CTNNBL1: variants seen among roughly 807,000 people sequenced by gnomAD.
CTNNBL1 encodes catenin beta like 1.
CTNNBL1 carries 31 observed loss-of-function variants against 72.7 expected under a neutral mutation model. The observed-to-expected ratio is 0.43, with a 90% CI of 0.32 to 0.58. The LOEUF is 0.58. CTNNBL1 is among the 20% of genes least tolerant of loss of function. The pLI is 0.08. For missense variants in CTNNBL1, 534 were observed against 725.1 expected (o/e 0.74, Z 3.03); for synonymous variants, 240 against 267.3 (o/e 0.90, Z 1.00).
At chr20:37,787,492 C>T (rs1186095552) in intron 10 of CTNNBL1, among the ~76,000 whole-genome samples, 3 of 151,830 alleles carry the variant, frequency 2.0e-5, no homozygotes, top group Non-Finnish European at 4.4e-5. Flanking sequence ...CTACAGGCGC[C>T]CGCCACTACG....
chr20:37,721,505 G>C (rs1358452416), intron 1 of CTNNBL1, among the ~76,000 whole-genome samples: 1 of 152,098 alleles, frequency 6.6e-6, no homozygotes, highest in Non-Finnish European at 1.5e-5. Flanking sequence ...CTAGCTTCTG[G>C]TGGTACCCCC....
intron 11 of CTNNBL1, among the ~76,000 whole-genome samples, chr20:37,825,258 C>T (rs1055753842): frequency 3.3e-5 from 5 of 152,106 alleles, no homozygotes; most frequent in African/African-American, 1.2e-4. Context: ...GAGGCTGAGA[C>T]AGGATAATCG....
intron 4 of CTNNBL1, among the ~76,000 whole-genome samples, chr20:37,753,121 G>A (rs1389427934): frequency 1.3e-5 from 2 of 152,036 alleles, no homozygotes; most frequent in Non-Finnish European, 2.9e-5. Flanking sequence ...TGTCTCCTGG[G>A]TCATATTGTA....
intron 1 of CTNNBL1, among the ~76,000 whole-genome samples, chr20:37,700,885 C>A (rs770564369): frequency 9.9e-5 from 15 of 152,182 alleles, no homozygotes; most frequent in Non-Finnish European, 2.1e-4. Context: ...CTCCTCTTGT[C>A]CTCTATCAGT....
intron 1 of CTNNBL1, among the ~76,000 whole-genome samples, chr20:37,715,217 AGGCATAGACTGACG>A (rs1325187951): frequency 2.6e-5 from 4 of 152,212 alleles, no homozygotes; most frequent in Non-Finnish European, 4.4e-5. Flanking sequence ...AAAGAGCCTT[AGGCATAGACTGACG>A]GGCAGCGTTT....
At chr20:37,858,538 G>C (rs547128058) in intron 13 of CTNNBL1, among the ~76,000 whole-genome samples, 1 of 152,232 alleles carries the variant, frequency 6.6e-6, no homozygotes, top group Admixed American at 6.5e-5. Context: ...AGGCAGTAGG[G>C]CCCTGAGCTG....
chr20:37,857,857 T>C (rs1450066619), intron 13 of CTNNBL1, among the ~76,000 whole-genome samples: 2 of 151,734 alleles, frequency 1.3e-5, no homozygotes, highest in African/African-American at 2.4e-5. Context: ...GCAGAACAAG[T>C]CCCCACACCG....
At chr20:37,721,142 T>C (rs1478964633) in intron 1 of CTNNBL1, among the ~76,000 whole-genome samples, 1 of 152,228 alleles carries the variant, frequency 6.6e-6, no homozygotes, top group Non-Finnish European at 1.5e-5. Context: ...CCTGGGTCCC[T>C]GCCTGAATCT....
At chr20:37,867,982 G>A (rs1444339201) in intron 15 of CTNNBL1, among the ~76,000 whole-genome samples, 1 of 152,196 alleles carries the variant, frequency 6.6e-6, no homozygotes, top group Non-Finnish European at 1.5e-5. Context: ...CTGGTTCTGG[G>A]CCTGGCTCCG....
At chr20:37,773,222 A>G (rs987805291) in intron 7 of CTNNBL1, among the ~76,000 whole-genome samples, 1 of 152,202 alleles carries the variant, frequency 6.6e-6, no homozygotes, top group Non-Finnish European at 1.5e-5. Context: ...GGGATTTTGT[A>G]GGGCACAATC....
intron 7 of CTNNBL1, among the ~76,000 whole-genome samples, chr20:37,775,841 A>T (rs1398795972): frequency 1.3e-5 from 2 of 152,224 alleles, no homozygotes; most frequent in African/African-American, 4.8e-5. Context: ...GGCTCTAGTG[A>T]CCTACTGTCT....
intron 10 of CTNNBL1, among the ~76,000 whole-genome samples, chr20:37,790,173 T>A (rs1486800550): frequency 1.3e-5 from 2 of 152,192 alleles, no homozygotes; most frequent in African/African-American, 4.8e-5. Flanking sequence ...GCAGGCCCAA[T>A]TCTGGACTGT....
At chr20:37,745,562 C>T (rs1276863811) in intron 3 of CTNNBL1, among the ~76,000 whole-genome samples, 2 of 152,066 alleles carry the variant, frequency 1.3e-5, no homozygotes, top group Admixed American at 6.6e-5. Context: ...GACAGATAAC[C>T]TTATTGTCCC....
intron 10 of CTNNBL1, among the ~76,000 whole-genome samples, chr20:37,781,074 A>G (rs1003440208): frequency 3.3e-5 from 5 of 152,212 alleles, no homozygotes; most frequent in African/African-American, 1.2e-4. Flanking sequence ...AAAAAAATGC[A>G]GAGAGGAGCA....
intron 13 of CTNNBL1, among the ~76,000 whole-genome samples, chr20:37,858,207 CA>C (rs1482933461): frequency 5.9e-5 from 9 of 152,070 alleles, no homozygotes; most frequent in Non-Finnish European, 1.0e-4. Context: ...ACAAACAAAA[CA>C]AAAAAACAGA....
intron 10 of CTNNBL1, among the ~76,000 whole-genome samples, chr20:37,781,592 C>T (rs975984789): frequency 1.3e-5 from 2 of 152,096 alleles, no homozygotes; most frequent in Non-Finnish European, 2.9e-5. Context: ...TCAGCATTTC[C>T]TTTTTTCTCA....
In CTNNBL1 at chr20:37,840,115, G is replaced by A. The variant is rs753794308; in HGVS notation, c.1227G>A (p.Ser409=). Reference sequence around the variant, plus strand: ...TTCCCAACCCAGAGCATGTCTGTTCGATCCTGGCTTCCCTCCTGCGGAACC... The same window carrying A: ...TTCCCAACCCAGAGCATGTCTGTTCAATCCTGGCTTCCCTCCTGCGGAACC... ...TEKEHEEHVC[S]ILASLLRNLR... is the part of the protein sequence containing the mutation. The change falls in exon 12 of 16, where the codon TCG becomes TCA. Residue 409 remains serine (S), a synonymous_variant. Coordinates refer to ENST00000361383, the MANE Select transcript of CTNNBL1 (RefSeq NM_030877.5). 6.2e-6 allele frequency: 10 copies of A among 1,613,460 alleles called. No homozygotes were observed. The highest frequency in any genetic ancestry group is 3.3e-5 in the South Asian group (3 of 91,054).
chr20:37,853,392 A>G (rs1351000526), intron 13 of CTNNBL1, among the ~76,000 whole-genome samples: 1 of 152,198 alleles, frequency 6.6e-6, no homozygotes, highest in Non-Finnish European at 1.5e-5. Flanking sequence ...TTGTGATGAT[A>G]ATTTTTTTCT....
chr20:37,785,303 C>A (rs371883259), intron 10 of CTNNBL1, among the ~76,000 whole-genome samples: 1 of 152,102 alleles, frequency 6.6e-6, no homozygotes, highest in African/African-American at 2.4e-5. Context: ...ATATTGATAT[C>A]TTTCTCTAAG....
Sources: gnomAD v4.1 joint callset for allele counts (sites outside exome capture counted in the v4.1 genomes callset) on GRCh38, gnomAD v4.1.1 for gene constraint, MANE v1.5 for transcripts, NCBI Gene and HGNC (gene_info 2026-07-23, HGNC 2026-07-21) for gene names.